The following PYY variants were observed in gnomAD, a reference collection of about 807,000 sequenced individuals.
The protein encoded by PYY is peptide YY, also known as peptide tyrosine tyrosine.
PYY carries 12 observed loss-of-function variants against 10.3 expected under a neutral mutation model. That is an observed-to-expected ratio of 1.17 (90% CI 0.75 to 1.89). The LOEUF (loss-of-function observed/expected upper bound fraction) is 1.89. PYY is among the 40% of genes most tolerant of loss of function. The pLI is 0.00. For synonymous variants in PYY, 66 were observed against 62.0 expected, an observed-to-expected ratio of 1.06 and a Z score of -0.30; for missense variants, 141 against 134.0, an observed-to-expected ratio of 1.05 and a Z score of -0.26.
intron 2 of PYY, among the ~76,000 whole-genome samples, chr17:43,959,342 G>T: frequency 6.6e-6 from 1 of 152,202 alleles, no homozygotes; most frequent in East Asian, 1.9e-4. Context: ...AATGTTTAAA[G>T]GGTATTTCTA....
intron 1 of PYY, among the ~76,000 whole-genome samples, chr17:43,976,173 ATG>A (rs1171371812): frequency 2.3e-5 from 2 of 86,724 alleles, no homozygotes; most frequent in Non-Finnish European, 3.7e-5. Flanking sequence ...GCATGCATAT[ATG>A]TATATATACG....
chr17:43,996,880 G>C (rs1308408182), intron 1 of PYY, among the ~76,000 whole-genome samples: 2 of 151,928 alleles, frequency 1.3e-5, no homozygotes, highest in Non-Finnish European at 2.9e-5. Flanking sequence ...ATAGAGACAA[G>C]GTTTTGCCAT....
intron 1 of PYY, among the ~76,000 whole-genome samples, chr17:43,988,832 G>A (rs565302829): frequency 6.1e-5 from 9 of 148,326 alleles, no homozygotes; most frequent in Admixed American, 2.7e-4. Context: ...GCAAAATCTC[G>A]GCTCATTGCA....
intron 1 of PYY, among the ~76,000 whole-genome samples, chr17:43,972,318 A>C (rs2048800161): frequency 6.6e-6 from 1 of 151,244 alleles, no homozygotes; most frequent in African/African-American, 2.4e-5. Context: ...GGTTCAAGTA[A>C]TCTCCTGTCT....
At chr17:43,995,573 C>T (rs1427118494) in intron 1 of PYY, among the ~76,000 whole-genome samples, 1 of 152,220 alleles carries the variant, frequency 6.6e-6, no homozygotes, top group Non-Finnish European at 1.5e-5. Context: ...GTGGCTCACG[C>T]CTGTAATCCC....
At chr17:43,990,453 A>AG (rs1235623063) in intron 1 of PYY, among the ~76,000 whole-genome samples, 27 of 150,418 alleles carry the variant, frequency 1.8e-4, no homozygotes, top group Admixed American at 3.3e-4. Flanking sequence ...AAAAAAAAAA[A>AG]AAAGAAAGAA....
intron 1 of PYY, among the ~76,000 whole-genome samples, chr17:43,992,674 T>C (rs760864241): frequency 2.6e-5 from 4 of 151,888 alleles, no homozygotes; most frequent in Non-Finnish European, 5.9e-5. Context: ...GCCATTGCAC[T>C]CCAGCCTGGG....
intron 1 of PYY, among the ~76,000 whole-genome samples, chr17:43,994,943 G>A (rs927954049): frequency 3.3e-5 from 5 of 152,142 alleles, no homozygotes; most frequent in African/African-American, 1.2e-4. Flanking sequence ...GCCGCCCCGG[G>A]GCGGTTCCCA....
intron 1 of PYY, among the ~76,000 whole-genome samples, chr17:43,983,477 G>A (rs1183866400): frequency 1.3e-5 from 2 of 152,208 alleles, no homozygotes; most frequent in Admixed American, 6.5e-5. Flanking sequence ...AGCCTCTTCT[G>A]GGAACTCAGG....
chr17:43,972,215 A>ATTTATTTATTTATTTT (rs1597849639), intron 1 of PYY, among the ~76,000 whole-genome samples: 1 of 147,654 alleles, frequency 6.8e-6, no homozygotes, highest in East Asian at 2.0e-4. Flanking sequence ...TTATTTATTT[A>ATTTATTTATTTATTTT]TTTATTTATT....
chr17:43,962,205 C>T (rs1379545500), intron 2 of PYY, among the ~76,000 whole-genome samples: 1 of 152,146 alleles, frequency 6.6e-6, no homozygotes, highest in Admixed American at 6.5e-5. Flanking sequence ...GTGTGCCACT[C>T]TCAAAATGTG....
intron 1 of PYY, 27 bp from the exon 2 acceptor site, chr17:43,953,510 T>G: frequency 1.3e-6 from 2 of 1,558,788 alleles, no homozygotes; most frequent in Middle Eastern, 1.7e-4. Flanking sequence ...GGGACGTGGG[T>G]CATTCCAAGC....
intron 1 of PYY, among the ~76,000 whole-genome samples, chr17:43,977,246 T>C (rs73986661): frequency 0.026 from 3,925 of 152,246 alleles, 181 homozygotes; most frequent in African/African-American, 0.089. Flanking sequence ...AGCAGCTTCA[T>C]TAGTTCCAAG....
chr17:43,985,179 CAG>C (rs2048907903), intron 1 of PYY, among the ~76,000 whole-genome samples: 1 of 152,106 alleles, frequency 6.6e-6, no homozygotes, highest in Non-Finnish European at 1.5e-5. Flanking sequence ...GAGAAAATGA[CAG>C]AGACTCCCAC....
At chr17:43,990,705 A>AC (rs979738503) in intron 1 of PYY, among the ~76,000 whole-genome samples, 1 of 152,100 alleles carries the variant, frequency 6.6e-6, no homozygotes, top group Non-Finnish European at 1.5e-5. Context: ...TTGATATAAA[A>AC]TTATGAAACA....
rs199588764 is a variant in PYY, at chr17:43,952,914, G to A, written c.*42C>T. On this transcript the variant is annotated 3_prime_UTR_variant, in exon 4 of 4. Transcript: ENST00000692052. Reference sequence around the variant, plus strand: ...GGTCGGGAGTGCGTATGCAAATGACGTGGGCGTGGTTGGCAGATCTCCCAG... The same window carrying A: ...GGTCGGGAGTGCGTATGCAAATGACATGGGCGTGGTTGGCAGATCTCCCAG... 2.0e-5 allele frequency: 30 copies of A among 1,526,902 alleles called. No individual in the cohort carries two copies. The highest frequency in any genetic ancestry group is 2.5e-5 in the Non-Finnish European group (29 of 1,139,874). 94.6% of individuals were successfully genotyped at this position (1,526,902 alleles called of 1,614,324 possible).
intron 1 of PYY, among the ~76,000 whole-genome samples, chr17:43,986,064 A>G (rs1191993157): frequency 2.0e-4 from 31 of 152,174 alleles, no homozygotes; most frequent in Admixed American, 2.0e-3. Context: ...TAAGACTACT[A>G]GCCTGACCAA....
chr17:43,960,631 C>T (rs1306304943), intron 2 of PYY, among the ~76,000 whole-genome samples: 4 of 147,690 alleles, frequency 2.7e-5, no homozygotes, highest in South Asian at 2.2e-4. Flanking sequence ...GGTGGATCAC[C>T]GAGGTCAGGA....
chr17:43,992,352 A>G (rs1474354213), intron 1 of PYY, among the ~76,000 whole-genome samples: 7 of 151,940 alleles, frequency 4.6e-5, no homozygotes, highest in African/African-American at 1.7e-4. Context: ...AGGCCGAGGC[A>G]GATGGATCAC....
Sources: allele counts gnomAD v4.1 joint callset (sites outside exome capture counted in the v4.1 genomes callset), GRCh38; gene constraint gnomAD v4.1.1; transcripts MANE v1.5; gene names NCBI Gene and HGNC (gene_info 2026-07-23, HGNC 2026-07-21).